The following ATIC variants were observed in gnomAD, a reference collection of about 807,000 sequenced individuals.
The protein encoded by ATIC is 5-aminoimidazole-4-carboxamide ribonucleotide formyltransferase/IMP cyclohydrolase.
Under a neutral mutation model 72.5 loss-of-function variants are expected in ATIC, and 64 were observed. The ratio of observed to expected loss-of-function variants is 0.88; its 90% CI spans 0.72 to 1.09. ATIC has a LOEUF of 1.09. ATIC is among the 50% of genes least tolerant of loss of function. ATIC has a pLI of 0.00. For missense variants in ATIC, 787 were observed against 732.4 expected (o/e 1.07, Z -0.86); for synonymous variants, 281 against 267.1 (o/e 1.05, Z -0.51).
At chr2:215,364,520 C>T in the ATIC span, 1 of 348,356 alleles carries the variant, frequency 2.9e-6, no homozygotes, top group Non-Finnish European at 5.5e-6. Flanking sequence ...AGTATCTCTG[C>T]TTCACTATTT....
At position 215,338,881 on chromosome 2, in the gene ATIC, A is replaced by G. The variant is rs759327452; in HGVS notation, c.1201A>G (p.Ser401Gly). ...TGGTGTCGTCGACAAGTCATTATTTAGCAATGTTGTTACCAAAAATAAAGA... is the reference window on the plus strand; with the variant it reads ...TGGTGTCGTCGACAAGTCATTATTTGGCAATGTTGTTACCAAAAATAAAGA... ...NNGVVDKSLF[S>G]NVVTKNKDLP... The change falls in exon 12 of 16, where the codon AGC (serine) becomes GGC (glycine). Residue 401 changes from serine (S) to glycine (G), a missense_variant. Transcript: ENST00000236959. 6.8e-6 allele frequency: 11 copies of G among 1,613,784 alleles called. No individual in the cohort carries two copies. In the East Asian group the frequency reaches 1.6e-4, roughly 23 times the overall value.
intron 11 of ATIC, among the ~76,000 whole-genome samples, chr2:215,337,604 G>A (rs1358621249): frequency 6.6e-6 from 1 of 152,080 alleles, no homozygotes; most frequent in African/African-American, 2.4e-5. Flanking sequence ...TGACCTCAAG[G>A]GATCTGCCCG....
chr2:215,321,688 G>T (rs922150332), intron 4 of ATIC, among the ~76,000 whole-genome samples: 1 of 152,194 alleles, frequency 6.6e-6, no homozygotes, highest in Non-Finnish European at 1.5e-5. Flanking sequence ...TTCTGAAGTG[G>T]CATCTCATTG....
intron 7 of ATIC, among the ~76,000 whole-genome samples, chr2:215,331,499 C>T (rs1241828023): frequency 6.6e-6 from 1 of 151,408 alleles, no homozygotes; most frequent in Non-Finnish European, 1.5e-5. Context: ...TCTCCTGCCT[C>T]AGCCTCCCTA....
the ATIC span, chr2:215,367,557 G>T: frequency 2.5e-6 from 1 of 398,234 alleles, no homozygotes; most frequent in Non-Finnish European, 4.8e-6. Flanking sequence ...AAATAGACCT[G>T]GTTCCAAAAG....
intron 12 of ATIC, 118 bp from the exon 13 acceptor site, chr2:215,344,661 G>T: frequency 1.1e-6 from 1 of 941,652 alleles, no homozygotes; most frequent in Non-Finnish European, 1.6e-6. Flanking sequence ...TTGTGCCTGG[G>T]AGACAGAGTG....
rs759599403 is a variant in ATIC at position 215,332,431 on chromosome 2, C to T, written c.738C>T (p.Ala246=). 1.2e-6 allele frequency: 2 copies of T among 1,614,120 alleles called. No homozygotes were observed. Among genetic ancestry groups the T allele is most frequent in the Non-Finnish European group, 1.7e-6 (2 of 1,180,034 alleles). The part of the protein sequence containing the change: ...GFINLCDALN[A]WQLVKELKEA... ...TAAACTTGTGCGATGCTTTGAACGC[C>T]TGGCAGCTGGTGAAGGAACTCAAGG... The change falls in exon 8 of 16, where the codon GCC becomes GCT. Residue 246 remains alanine (A), a synonymous_variant. Transcript: ENST00000236959.
At chr2:215,353,986 T>C (rs1226600116), downstream of ATIC, among the ~76,000 whole-genome samples, 1 of 152,198 alleles carries the variant, frequency 6.6e-6, no homozygotes, top group Non-Finnish European at 1.5e-5. Context: ...CCATTGTTTA[T>C]TTAAAATCTG....
chr2:215,317,674 A>G (rs1035795581), intron 2 of ATIC, among the ~76,000 whole-genome samples: 1 of 151,912 alleles, frequency 6.6e-6, no homozygotes, highest in African/African-American at 2.4e-5. Context: ...TTTTTAGTAG[A>G]GCTGGGGTTT....
intron 12 of ATIC, among the ~76,000 whole-genome samples, chr2:215,339,344 T>G (rs1041596326): frequency 2.0e-5 from 3 of 152,144 alleles, no homozygotes; most frequent in Non-Finnish European, 4.4e-5. Context: ...TAGTGAAACC[T>G]TGTCTCTAGA....
At chr2:215,361,705 G>A in the ATIC span, 1 of 1,162,876 alleles carries the variant, frequency 8.6e-7, no homozygotes, top group Non-Finnish European at 1.3e-6. Context: ...GGGGAGGTGG[G>A]GACTCATGAC....
intron 1 of ATIC, 106 bp downstream of exon 1, chr2:215,312,267 G>A: frequency 3.5e-6 from 5 of 1,448,974 alleles, no homozygotes; most frequent in Non-Finnish European, 4.5e-6. Flanking sequence ...GCGGCGCTGC[G>A]GGATTGAAAG....
chr2:215,344,118 T>C (rs1370313205), intron 12 of ATIC, among the ~76,000 whole-genome samples: 2 of 152,248 alleles, frequency 1.3e-5, no homozygotes, highest in Non-Finnish European at 2.9e-5. Flanking sequence ...TTACCATGTC[T>C]CCAGATATTT....
the ATIC span, chr2:215,362,317 T>C: frequency 3.9e-6 from 2 of 519,202 alleles, no homozygotes; most frequent in East Asian, 7.2e-5. Flanking sequence ...TCCTGAAATG[T>C]CTCTTCTCTT....
rs761061639 is a variant in ATIC at position 215,349,667 on chromosome 2, A to G, written c.*12A>G. 5.0e-6 allele frequency: 8 copies of G among 1,613,878 alleles called. No individual in the cohort carries two copies. The Admixed American group carries it at 5.0e-5, about 10-fold the overall frequency. ...TCTTCCACCACTGATTTTACCACAC[A>G]CTGTTTTTTGGCTTGCTTATGTGTA... On this transcript the variant is annotated 3_prime_UTR_variant, in exon 16 of 16. Coordinates refer to ENST00000236959, the MANE Select transcript of ATIC (RefSeq NM_004044.7).
chr2:215,326,103 A>C lies in ATIC; in HGVS notation c.496A>C (p.Thr166Pro), dbSNP rs769093191. 7 of 1,613,990 alleles carry C rather than the reference A, an allele frequency of 4.3e-6. No individual in the cohort carries two copies. The highest frequency in any genetic ancestry group is 5.9e-6 in the Non-Finnish European group (7 of 1,179,976). ...GATGCAGAGCTCCGAGAGTAAGGAC[A>C]CCTCCTTGGAGACTAGACGCCAGTT... ...TEMQSSESKD[T>P]SLETRRQLAL... The change falls in exon 6 of 16, where the codon ACC (threonine) becomes CCC (proline). Residue 166 changes from threonine (T) to proline (P), a missense_variant. Transcript: ENST00000236959.
chr2:215,356,748 A>T, the ATIC span, among the ~76,000 whole-genome samples: 4,594 of 152,298 alleles, frequency 0.03, 239 homozygotes, highest in African/African-American at 0.1. Flanking sequence ...ATAATATTTT[A>T]AAGGTTTATA....
At chr2:215,318,045 C>A in intron 2 of ATIC, 112 bp from the exon 3 acceptor site, 2 of 938,068 alleles carry the variant, frequency 2.1e-6, no homozygotes, top group African/African-American at 1.6e-5. Flanking sequence ...TCAGAATTTT[C>A]ACGTTGAATT....
At chr2:215,353,156 G>A (rs1387066634), downstream of ATIC, among the ~76,000 whole-genome samples, 1 of 152,108 alleles carries the variant, frequency 6.6e-6, no homozygotes, top group African/African-American at 2.4e-5. Context: ...AATGCATTTT[G>A]TGAACCTTTC....
Sources: gnomAD v4.1 joint callset for allele counts (sites outside exome capture counted in the v4.1 genomes callset) on GRCh38, gnomAD v4.1.1 for gene constraint, MANE v1.5 for transcripts, NCBI Gene and HGNC (gene_info 2026-07-23, HGNC 2026-07-21) for gene names.